DPP10: variants seen among roughly 807,000 people sequenced by gnomAD.
DPP10 encodes inactive dipeptidyl peptidase 10.
A neutral mutation model predicts 120.9 loss-of-function variants in DPP10; 33 were observed. That is an observed-to-expected ratio of 0.27 (90% CI 0.21 to 0.37). DPP10 has a LOEUF of 0.37. DPP10 is among the 10% of genes least tolerant of loss of function. The pLI is 1.00. For missense variants in DPP10, 816 were observed against 942.8 expected (o/e 0.87, Z 1.76); for synonymous variants, 337 against 326.1 (o/e 1.03, Z -0.36).
At chr2:115,211,518 C>T (rs573729767) in intron 1 of DPP10, among the ~76,000 whole-genome samples, 2 of 152,242 alleles carry the variant, frequency 1.3e-5, no homozygotes, top group African/African-American at 4.8e-5. Context: ...GATTTAATAA[C>T]ATTTGCTCTT....
At chr2:115,742,967 G>T (rs1677478857) in intron 9 of DPP10, among the ~76,000 whole-genome samples, 1 of 151,516 alleles carries the variant, frequency 6.6e-6, no homozygotes, top group Non-Finnish European at 1.5e-5. Context: ...CAAAACAGAT[G>T]CACGGTTCTA....
intron 1 of DPP10, among the ~76,000 whole-genome samples, chr2:115,303,689 C>A (rs548500864): frequency 2.0e-4 from 31 of 151,700 alleles, no homozygotes; most frequent in Non-Finnish European, 4.1e-4. Context: ...TGTATTATTG[C>A]CTAGAAAATT....
chr2:115,496,211 AG>A (rs1558756544), intron 3 of DPP10, among the ~76,000 whole-genome samples: 1 of 152,150 alleles, frequency 6.6e-6, no homozygotes, highest in Non-Finnish European at 1.5e-5. Context: ...AAAATTAATA[AG>A]GGCAGATATT....
intron 1 of DPP10, among the ~76,000 whole-genome samples, chr2:114,650,667 A>G (rs564669507): frequency 1.3e-5 from 2 of 148,714 alleles, no homozygotes; most frequent in Non-Finnish European, 1.5e-5. Context: ...GGAGAATTCT[A>G]TTAAGTAAGC....
At chr2:115,244,237 TATAGAGAGAGAG>T (rs1289488114) in intron 1 of DPP10, among the ~76,000 whole-genome samples, 3,058 of 66,944 alleles carry the variant, frequency 0.046, 36 homozygotes, top group African/African-American at 0.073. Flanking sequence ...TATATATATA[TATAGAGAGAGAG>T]AGAGAGAGAG....
At position 115,736,273 on chromosome 2, in the gene DPP10, A is replaced by T. The variant is rs1028787628; in HGVS notation, c.698-3466A>T. Reference sequence around the variant, plus strand: ...GTGCCTAGATCTGTACCTCATGGCTATACAGGTGGGGCACACTGCATGTTA... The same window carrying T: ...GTGCCTAGATCTGTACCTCATGGCTTTACAGGTGGGGCACACTGCATGTTA... On this transcript the variant is annotated intron_variant, in intron 8 of 25. Transcript: ENST00000410059. Among the ~76,000 whole-genome samples the T allele has an allele frequency of 3.9e-5, 6 of 152,150 alleles. No individual in the cohort carries two copies. The East Asian group carries it at 1.2e-3, about 29-fold the overall frequency.
At chr2:115,161,741 G>A (rs1205422630) in intron 1 of DPP10, 10 of 430,190 alleles carry the variant, frequency 2.3e-5, no homozygotes, top group Non-Finnish European at 3.6e-5. Context: ...AGAGCGGGGA[G>A]TCAGAGGGTC....
At chr2:115,305,057 G>T (rs75537946) in intron 1 of DPP10, among the ~76,000 whole-genome samples, 5,605 of 152,066 alleles carry the variant, frequency 0.037, 118 homozygotes, top group Middle Eastern at 0.092. Context: ...GAACACAAGC[G>T]TTTCAACTGA....
intron 1 of DPP10, among the ~76,000 whole-genome samples, chr2:114,538,305 T>C (rs12987334): frequency 0.064 from 9,707 of 152,216 alleles, 389 homozygotes; most frequent in South Asian, 0.12. Flanking sequence ...AGCTCTTCCA[T>C]GTAACACAGA....
chr2:115,190,066 C>T (rs970840657), intron 1 of DPP10, among the ~76,000 whole-genome samples: 1 of 152,154 alleles, frequency 6.6e-6, no homozygotes, highest in Non-Finnish European at 1.5e-5. Flanking sequence ...ATGTCTAAGG[C>T]TCTTCTATTT....
intron 1 of DPP10, among the ~76,000 whole-genome samples, chr2:114,901,545 A>C (rs1390080928): frequency 6.6e-6 from 1 of 152,212 alleles, no homozygotes; most frequent in Non-Finnish European, 1.5e-5. Flanking sequence ...TTGAAGATGA[A>C]GCTCATAGTT....
intron 1 of DPP10, among the ~76,000 whole-genome samples, chr2:115,059,483 G>T (rs1706220849): frequency 6.6e-6 from 1 of 151,384 alleles, no homozygotes; most frequent in African/African-American, 2.4e-5. Flanking sequence ...TGTGTCCAAT[G>T]CTAGCTTTGT....
chr2:115,519,983 A>T (rs957652369), intron 4 of DPP10, among the ~76,000 whole-genome samples: 1 of 152,186 alleles, frequency 6.6e-6, no homozygotes, highest in Non-Finnish European at 1.5e-5. Context: ...AAAACTAATA[A>T]TGAGATTGAG....
intron 3 of DPP10, among the ~76,000 whole-genome samples, chr2:115,469,901 A>AAAAAAAAAAAAAAAAG (rs1558709906): frequency 1.3e-5 from 1 of 74,650 alleles, no homozygotes; most frequent in Non-Finnish European, 3.1e-5. Context: ...AAAAAAAAAG[A>AAAAAAAAAAAAAAAAG]AAAAAAAAAA....
At chr2:115,710,592 CA>C (rs1297573832) in intron 7 of DPP10, among the ~76,000 whole-genome samples, 1 of 151,966 alleles carries the variant, frequency 6.6e-6, no homozygotes, top group Non-Finnish European at 1.5e-5. Flanking sequence ...AAACAATGTT[CA>C]TTTTTTTTCT....
intron 5 of DPP10, among the ~76,000 whole-genome samples, chr2:115,685,188 G>T (rs551154832): frequency 6.6e-6 from 1 of 152,008 alleles, no homozygotes; most frequent in South Asian, 2.1e-4. Context: ...TATAATATAT[G>T]TAAAGCACTA....
chr2:114,927,757 G>C (rs898669603), intron 1 of DPP10, among the ~76,000 whole-genome samples: 2 of 152,140 alleles, frequency 1.3e-5, no homozygotes, highest in Non-Finnish European at 2.9e-5. Context: ...AAAGAAAAGA[G>C]GTTTATTTGG....
At chr2:114,691,167 C>A (rs970098098) in intron 1 of DPP10, among the ~76,000 whole-genome samples, 1 of 152,002 alleles carries the variant, frequency 6.6e-6, no homozygotes, top group Non-Finnish European at 1.5e-5. Flanking sequence ...ATGCTTTCAG[C>A]TTTTGCCCAT....
intron 1 of DPP10, among the ~76,000 whole-genome samples, chr2:115,124,642 C>T (rs1258626036): frequency 1.3e-5 from 2 of 152,142 alleles, no homozygotes; most frequent in African/African-American, 2.4e-5. Context: ...TATGCAATTT[C>T]CTAATACCTA....
Sources: allele counts gnomAD v4.1 joint callset (sites outside exome capture counted in the v4.1 genomes callset), GRCh38; gene constraint gnomAD v4.1.1; transcripts MANE v1.5; gene names NCBI Gene and HGNC (gene_info 2026-07-23, HGNC 2026-07-21).